The following PCDHGA4 variants were observed in gnomAD, a reference collection of about 807,000 sequenced individuals.
PCDHGA4 encodes the protein protocadherin gamma subfamily A, 4.
Under a neutral mutation model 54.6 loss-of-function variants are expected in PCDHGA4, and 38 were observed. The ratio of observed to expected loss-of-function variants is 0.70; its 90% CI spans 0.54 to 0.91. The LOEUF is 0.91. Ranked by LOEUF, PCDHGA4 falls within the 40% of genes least tolerant of loss-of-function variation. The pLI is 0.00. For missense variants in PCDHGA4, 1,298 were observed against 1,220.9 expected, an observed-to-expected ratio of 1.06 and a Z score of -0.94; for synonymous variants, 511 against 512.9, an observed-to-expected ratio of 1.00 and a Z score of 0.05.
At position 141,379,889 on chromosome 5, in the gene PCDHGA4, C is replaced by CTTTTTTTTTTTTTTTTTTTTT. The variant is rs70988800; in HGVS notation, c.2514+22278_2514+22298dup. The stretch of plus-strand genomic sequence containing the variant: ...CTTATTTTATGGTCTGTGAAAGCCT[C>CTTTTTTTTTTTTTTTTTTTTT]TTTTTTTTTTTTTTTTTTTTTTTTT... On this transcript the variant is annotated intron_variant, in intron 1 of 3. Coordinates refer to ENST00000571252, the MANE Select transcript of PCDHGA4 (RefSeq NM_018917.4). Among the ~76,000 whole-genome samples, 100 of 50,832 alleles carry CTTTTTTTTTTTTTTTTTTTTT rather than the reference C, an allele frequency of 2.0e-3. 11 individuals are homozygous for CTTTTTTTTTTTTTTTTTTTTT. The highest frequency in any genetic ancestry group is 2.9e-3 in the Non-Finnish European group (74 of 25,884). 33.3% of individuals were successfully genotyped at this position (50,832 alleles called of 152,430 possible).
chr5:141,364,403 G>C, intron 1 of PCDHGA4: 6 of 1,608,570 alleles, frequency 3.7e-6, no homozygotes, highest in Non-Finnish European at 5.1e-6. Context: ...GACGCTGTGC[G>C]AGCCAGGATC....
In PCDHGA4 at chr5:141,511,539, C is replaced by CGAGAT; in HGVS notation, c.*366_*367insGAGAT. 3.0e-6 allele frequency: 1 copy of CGAGAT among 328,342 alleles called. No individual in the cohort carries two copies. Among genetic ancestry groups the CGAGAT allele is most frequent in the South Asian group, 3.2e-5 (1 of 31,708 alleles). 20.3% of individuals were successfully genotyped at this position (328,342 alleles called of 1,614,324 possible). On this transcript the variant is annotated 3_prime_UTR_variant, in exon 4 of 4. Transcript: ENST00000571252. ...CATCCCATGCCTCCCTCCTCCCCAC[C>CGAGAT]CCACTCCAACAGTTCCTCTTTCCCG...
rs866710706 is a variant in PCDHGA4, at chr5:141,485,167, G to A, written c.2515-9640G>A. On this transcript the variant is annotated intron_variant, in intron 1 of 3. Transcript: ENST00000571252. The surrounding 1 kb of genome is among the most constrained non-coding windows in gnomAD (Gnocchi z 5.7). ...AGGAGCAAGTAGAGAATTAGCGGGC[G>A]GCAGCAATGCTCCGCAAGGTGAGAA... The A allele has an allele frequency of 6.2e-7, 1 of 1,608,386 alleles. No homozygotes were observed.
intron 1 of PCDHGA4, chr5:141,428,358 G>C: frequency 1.8e-6 from 1 of 565,492 alleles, no homozygotes; most frequent in South Asian, 1.9e-5. Context: ...TGATTTTGGC[G>C]GTCGCCTTGC....
chr5:141,454,893 C>T (rs1414320972), intron 1 of PCDHGA4, among the ~76,000 whole-genome samples: 7 of 146,892 alleles, frequency 4.8e-5, no homozygotes, highest in Admixed American at 1.4e-4. Flanking sequence ...CTGCTAGCAC[C>T]GCCTCCCGGG....
At chr5:141,460,912 GTA>G (rs34683754) in intron 1 of PCDHGA4, among the ~76,000 whole-genome samples, 12 of 149,310 alleles carry the variant, frequency 8.0e-5, no homozygotes, top group African/African-American at 7.4e-5. Flanking sequence ...ATTCCATGGT[GTA>G]TATATATATA....
chr5:141,414,302 A>G (rs2095732200), intron 1 of PCDHGA4: 3 of 1,613,678 alleles, frequency 1.9e-6, no homozygotes, highest in Non-Finnish European at 2.5e-6. Flanking sequence ...TTAAATGTGC[A>G]TGATTTAGAC....
intron 1 of PCDHGA4, chr5:141,417,926 C>T (rs779409064): frequency 6.2e-7 from 1 of 1,610,108 alleles, no homozygotes; most frequent in East Asian, 2.2e-5. Context: ...TTTGCTGCTG[C>T]CTTTGTTCTA....
intron 1 of PCDHGA4, chr5:141,383,742 T>C: frequency 6.2e-7 from 1 of 1,613,986 alleles, no homozygotes; most frequent in Non-Finnish European, 8.5e-7. Flanking sequence ...CATATTCTTT[T>C]CGGAAAATAA....
intron 1 of PCDHGA4, chr5:141,361,499 C>G: frequency 6.2e-7 from 1 of 1,614,066 alleles, no homozygotes; most frequent in Non-Finnish European, 8.5e-7. Flanking sequence ...TTCCAACAGA[C>G]TTCCTACATG....
Position 141,356,345 on chromosome 5 carries a change from T to C in PCDHGA4, c.1238T>C (p.Val413Ala), listed in dbSNP as rs1223520317. 2 of 1,555,176 alleles carry C rather than the reference T, an allele frequency of 1.3e-6. No homozygotes were observed. Among genetic ancestry groups the C allele is most frequent in the African/African-American group, 2.7e-5 (2 of 73,138 alleles). ...HDSDSGGNGLVTCSIPDNLPF... is the reference protein window; with the variant it reads ...HDSDSGGNGLATCSIPDNLPF... ...AGTGACTCAGGAGGAAATGGCCTAG[T>C]CACATGTTCTATTCCAGATAATCTG... Residue 413 changes from valine (V) to alanine (A), a missense_variant, in exon 1 of 4, where the codon GTC (valine) becomes GCC (alanine). Transcript: ENST00000571252.
chr5:141,355,747 C>A lies in PCDHGA4; in HGVS notation c.640C>A (p.Gln214Lys). 2.5e-6 allele frequency: 4 copies of A among 1,613,988 alleles called. No individual in the cohort carries two copies. The highest frequency in any genetic ancestry group is 3.4e-6 in the Non-Finnish European group (4 of 1,179,882). The change falls in exon 1 of 4, where the codon CAA (glutamine) becomes AAA (lysine). Residue 214 changes from glutamine (Q) to lysine (K), a missense_variant. Transcript: ENST00000571252. ...AAACGGTTACTTTTCCCTGGACGTG[C>A]AAAGTGGGGCCGATGGGATTAAGTA... ...NSNGYFSLDV[Q>K]SGADGIKYPE...
At position 141,420,090 on chromosome 5, in the gene PCDHGA4, G is replaced by A. The variant is rs779478924; in HGVS notation, c.2514+62469G>A. 4.2e-5 allele frequency: 68 copies of A among 1,613,932 alleles called. No individual in the cohort carries two copies. Among genetic ancestry groups the A allele is most frequent in the Non-Finnish European group, 5.7e-5 (67 of 1,179,886 alleles). On this transcript the variant is annotated intron_variant, in intron 1 of 3. Coordinates refer to ENST00000571252, the MANE Select transcript of PCDHGA4 (RefSeq NM_018917.4). ...GGACCTGTGGGTCCCCCCAACTACA[G>A]TGAGGGAACGTTGCCCTATGCCTAT...
intron 1 of PCDHGA4, among the ~76,000 whole-genome samples, chr5:141,435,227 G>T (rs1461159947): frequency 1.3e-5 from 2 of 152,030 alleles, no homozygotes; most frequent in African/African-American, 4.8e-5. Context: ...TTCTTTCAAA[G>T]TTCAGTAATT....
In PCDHGA4 at chr5:141,455,477, C is replaced by T. The variant is rs557286491; in HGVS notation, c.2515-39330C>T. On this transcript the variant is annotated intron_variant, in intron 1 of 3. Coordinates refer to ENST00000571252, the MANE Select transcript of PCDHGA4 (RefSeq NM_018917.4). ...TACCAGCCAGGTATATATGCAGAGG[C>T]TGGTGGAGGTGATGTCTGATTTGCA... Among the ~76,000 whole-genome samples the T allele has an allele frequency of 1.2e-4, 18 of 152,252 alleles. No homozygotes were observed. The South Asian group carries it at 3.7e-3, about 32-fold the overall frequency.
At chr5:141,422,280 C>G (rs748287385) in intron 1 of PCDHGA4, 9 of 1,557,754 alleles carry the variant, frequency 5.8e-6, no homozygotes, top group Non-Finnish European at 7.8e-6. Flanking sequence ...TAACTATCAC[C>G]TCTTCTATTA....
At chr5:141,375,541 A>C (rs566370523) in intron 1 of PCDHGA4, 1 of 1,613,904 alleles carries the variant, frequency 6.2e-7, no homozygotes, top group South Asian at 1.1e-5. Flanking sequence ...AGAACGCCCA[A>C]GTCTCCTACT....
rs560662076 is a variant in PCDHGA4, at chr5:141,498,856, C to A, written c.2573+3991C>A. Among the ~76,000 whole-genome samples, 72 of 152,004 alleles carry A rather than the reference C, an allele frequency of 4.7e-4. 2 individuals carry two copies. Among genetic ancestry groups the A allele is most frequent in the African/African-American group, 1.7e-3 (69 of 41,430 alleles). ...GCTGAGGCAGGGGAATCGCTTGAACCCAGGAGGCGGAGGTTGCAGTGAGCT... is the reference window on the plus strand; with the variant it reads ...GCTGAGGCAGGGGAATCGCTTGAACACAGGAGGCGGAGGTTGCAGTGAGCT... On this transcript the variant is annotated intron_variant, in intron 2 of 3. Coordinates refer to ENST00000571252, the MANE Select transcript of PCDHGA4 (RefSeq NM_018917.4).
At chr5:141,469,610 AAAAT>A (rs1360697662) in intron 1 of PCDHGA4, among the ~76,000 whole-genome samples, 1 of 152,194 alleles carries the variant, frequency 6.6e-6, no homozygotes, top group Non-Finnish European at 1.5e-5. Context: ...TAAGTAAAAT[AAAAT>A]AAATGTTTGT....
Sources: allele counts gnomAD v4.1 joint callset (sites outside exome capture counted in the v4.1 genomes callset), GRCh38; gene constraint gnomAD v4.1.1; non-coding constraint Gnocchi (gnomAD v3.1); transcripts MANE v1.5; gene names NCBI Gene and HGNC (gene_info 2026-07-23, HGNC 2026-07-21).